MAP3K20: variants seen among roughly 807,000 people sequenced by gnomAD.
MAP3K20 encodes mitogen-activated protein kinase kinase kinase 20.
Under a neutral mutation model 85.7 loss-of-function variants are expected in MAP3K20, and 40 were observed. That is an observed-to-expected ratio of 0.47 (90% CI 0.36 to 0.61). MAP3K20 has a LOEUF of 0.61. MAP3K20 is among the 20% of genes least tolerant of loss of function. MAP3K20 has a pLI of 0.00. For synonymous variants in MAP3K20, 325 were observed against 327.7 expected (o/e 0.99, Z 0.09); for missense variants, 817 against 961.7 (o/e 0.85, Z 1.99).
At chr2:173,134,347 G>GCCA (rs1688711829) in intron 2 of MAP3K20, among the ~76,000 whole-genome samples, 1 of 126,088 alleles carries the variant, frequency 7.9e-6, no homozygotes, top group Admixed American at 8.8e-5. Flanking sequence ...ACAGGCGCAT[G>GCCA]CCACCACTCC....
At chr2:173,191,621 G>A (rs543071984) in intron 7 of MAP3K20, among the ~76,000 whole-genome samples, 1 of 152,314 alleles carries the variant, frequency 6.6e-6, no homozygotes, top group African/African-American at 2.4e-5. Context: ...AAACTTTTGA[G>A]TCTCAACTAT....
At chr2:173,235,183 G>A (rs183317217) in intron 14 of MAP3K20, among the ~76,000 whole-genome samples, 2 of 152,368 alleles carry the variant, frequency 1.3e-5, no homozygotes, top group Admixed American at 1.3e-4. Context: ...GGTGCAATGG[G>A]CAGCACAGCA....
At chr2:173,156,543 C>A (rs1012855839) in intron 2 of MAP3K20, among the ~76,000 whole-genome samples, 1 of 152,144 alleles carries the variant, frequency 6.6e-6, no homozygotes, top group Non-Finnish European at 1.5e-5. Flanking sequence ...CAGGATAAAA[C>A]TGTTTCACCT....
intron 4 of MAP3K20, among the ~76,000 whole-genome samples, chr2:173,186,458 C>T (rs562535661): frequency 1.3e-5 from 2 of 152,206 alleles, no homozygotes; most frequent in South Asian, 4.1e-4. Flanking sequence ...TAACTTGACT[C>T]TTCAGTGATA....
rs1036561844 is a variant in MAP3K20, at chr2:173,229,704, G to A, written c.1003G>A (p.Glu335Lys). ...QSNTPLLPSF[E>K]IGAWTEDDVY... ...TCCCATGCAGCTGCTGCCTTCCTTT[G>A]AGATTGGTGCATGGACGGAAGACGA... The change falls in exon 12 of 20, where the codon GAG becomes AAG. Residue 335 changes from glutamate (E) to lysine (K), a missense_variant. This residue lies in a region of MAP3K20 where 158 missense variants were observed against 162.0 expected (regional missense o/e 0.98). Transcript: ENST00000375213. The A allele has an allele frequency of 2.5e-6, 4 of 1,613,738 alleles. No homozygotes were observed. In the African/African-American group the frequency reaches 4.0e-5, roughly 16 times the overall value.
intron 10 of MAP3K20, chr2:173,210,089 C>A (rs915432908): frequency 2.5e-6 from 1 of 397,542 alleles, no homozygotes; most frequent in Non-Finnish European, 4.7e-6. Context: ...CGGTGGCTCA[C>A]GCCTGTAATC....
At chr2:173,137,384 A>G (rs576133741) in intron 2 of MAP3K20, among the ~76,000 whole-genome samples, 133 of 151,902 alleles carry the variant, frequency 8.8e-4, no homozygotes, top group African/African-American at 3.1e-3. Flanking sequence ...AGATGTGTAC[A>G]GAAGAGAATT....
At chr2:173,204,071 T>C (rs1159189585) in intron 9 of MAP3K20, among the ~76,000 whole-genome samples, 1 of 152,230 alleles carries the variant, frequency 6.6e-6, no homozygotes, top group Non-Finnish European at 1.5e-5. Flanking sequence ...TAACTCATTC[T>C]CATAGCACGC....
At chr2:173,256,494 T>C (rs1685163284) in intron 16 of MAP3K20, among the ~76,000 whole-genome samples, 1 of 8,508 alleles carries the variant, frequency 1.2e-4, no homozygotes, top group African/African-American at 2.3e-4. Context: ...GATAGATAGA[T>C]AGATAGATAG....
At chr2:173,173,196 GTC>G (rs762493994) in intron 3 of MAP3K20, among the ~76,000 whole-genome samples, 12,759 of 96,066 alleles carry the variant, frequency 0.13, 721 homozygotes, top group South Asian at 0.21. Flanking sequence ...GTGTGTGTGT[GTC>G]TGTGTAAAAC....
chr2:173,148,462 C>G lies in MAP3K20; in HGVS notation c.160-21343C>G, dbSNP rs1404902562. The stretch of plus-strand genomic sequence containing the variant: ...AGGGACTTGGAATTTATTCCACTAT[C>G]TCCTGATATCCTTAGGATGAGTGGT... On this transcript the variant is annotated intron_variant, in intron 2 of 19. Transcript: ENST00000375213. 3.3e-5 allele frequency among the ~76,000 whole-genome samples: 5 copies of G among 152,312 alleles called. No individual in the cohort carries two copies. The East Asian group carries it at 9.6e-4, about 29-fold the overall frequency.
intron 2 of MAP3K20, among the ~76,000 whole-genome samples, chr2:173,163,382 G>A (rs146461320): frequency 6.6e-5 from 10 of 152,276 alleles, no homozygotes; most frequent in Middle Eastern, 3.4e-3. Context: ...GTTGTATCTG[G>A]TTTTCTGTTC....
At chr2:173,107,765 C>A (rs1387749114) in intron 2 of MAP3K20, among the ~76,000 whole-genome samples, 1 of 152,086 alleles carries the variant, frequency 6.6e-6, no homozygotes, top group Non-Finnish European at 1.5e-5. Flanking sequence ...ATAATAGAGT[C>A]CACTTCATAA....
At chr2:173,236,266 TAAAAAAAAAAAAAA>T (rs67764486) in intron 14 of MAP3K20, among the ~76,000 whole-genome samples, 2 of 64,706 alleles carry the variant, frequency 3.1e-5, no homozygotes, top group East Asian at 1.0e-3. Context: ...AGACCCTGTC[TAAAAAAAAAAAAAA>T]AAAAAAAAAA....
intron 17 of MAP3K20, among the ~76,000 whole-genome samples, chr2:173,260,330 T>C (rs1391743468): frequency 1.3e-5 from 2 of 152,184 alleles, no homozygotes; most frequent in African/African-American, 4.8e-5. Flanking sequence ...ATCGCACCAC[T>C]GCACTCCAGC....
chr2:173,099,496 G>A (rs1317856209), intron 2 of MAP3K20, among the ~76,000 whole-genome samples: 1 of 151,744 alleles, frequency 6.6e-6, no homozygotes, highest in Non-Finnish European at 1.5e-5. Flanking sequence ...GTTTTATTTT[G>A]TCTTTTTTTA....
intron 1 of MAP3K20, among the ~76,000 whole-genome samples, chr2:173,077,289 C>CA (rs2106129398): frequency 7.5e-6 from 1 of 133,618 alleles, no homozygotes; most frequent in South Asian, 2.4e-4. Context: ...CGTTTAAAGA[C>CA]AAAAATAAAC....
rs748657764 is a variant in MAP3K20, at chr2:173,190,902, A to C, written c.423A>C (p.Ile141=). The C allele has an allele frequency of 6.3e-7, 1 of 1,595,710 alleles. No homozygotes were observed. Among genetic ancestry groups the C allele is most frequent in the Non-Finnish European group, 8.6e-7 (1 of 1,166,900 alleles). Residue 141 remains isoleucine, a synonymous_variant, in exon 6 of 20, where the codon ATA becomes ATC. Coordinates refer to ENST00000375213, the MANE Select transcript of MAP3K20 (RefSeq NM_016653.3). ...HRDLKSRNVV[I]AADGVLKICD... ...CCTTTTTTCTTTTTTTAGTTGTTAT[A>C]GCTGCTGATGGAGTATTGAAGGTAG...
At chr2:173,177,513 TCTCGG>T (rs1180075841) in intron 3 of MAP3K20, among the ~76,000 whole-genome samples, 2 of 144,306 alleles carry the variant, frequency 1.4e-5, no homozygotes, top group African/African-American at 5.0e-5. Flanking sequence ...GGCGCCATCA[TCTCGG>T]CTCACTGCAA....
Sources: gnomAD v4.1 joint callset for allele counts (sites outside exome capture counted in the v4.1 genomes callset) on GRCh38, gnomAD v4.1.1 for gene constraint, gnomAD v4.1.1 regional missense constraint, MANE v1.5 for transcripts, NCBI Gene and HGNC (gene_info 2026-07-23, HGNC 2026-07-21) for gene names.